Variants in DNAH6 observed in about 807,000 individuals in gnomAD.
DNAH6 encodes the protein dynein axonemal heavy chain 6.
In DNAH6, 340 loss-of-function variants were observed where a neutral mutation model predicts 491.4. The ratio of observed to expected loss-of-function variants is 0.69; its 90% CI spans 0.63 to 0.76. The LOEUF (loss-of-function observed/expected upper bound fraction) is 0.76, where lower values mean the gene tolerates loss of function less well. DNAH6 is among the 30% of genes least tolerant of loss of function. The pLI is 0.00. For synonymous variants in DNAH6, 1,603 were observed against 1,686.1 expected (o/e 0.95, Z 1.21); for missense variants, 4,443 against 4,972.2 (o/e 0.89, Z 3.20).
chr2:84,774,146 T>A (rs548868236), intron 64 of DNAH6, among the ~76,000 whole-genome samples: 1 of 152,130 alleles, frequency 6.6e-6, no homozygotes, highest in Non-Finnish European at 1.5e-5. Context: ...CCAAGGCTGA[T>A]GTCTAAAATG....
rs760055936 is a variant in DNAH6, at chr2:84,637,240, A to G, written c.4684A>G (p.Ile1562Val). Residue 1562 changes from isoleucine (I) to valine (V), a missense_variant, in exon 31 of 77, where the codon ATA becomes GTA. Coordinates refer to ENST00000389394, the MANE Select transcript of DNAH6 (RefSeq NM_001370.2). ...LSRFMFEGRE[I>V]KLVMTCAAFI... ...TAGATTCATGTTTGAGGGGCGGGAA[A>G]TAAAGTTGGTGATGACTTGTGCAGC... is the stretch of plus-strand genomic sequence containing the variant. The G allele has an allele frequency of 1.3e-6, 2 of 1,549,734 alleles. No homozygotes were observed. Among genetic ancestry groups the G allele is most frequent in the South Asian group, 1.2e-5 (1 of 83,554 alleles).
In DNAH6 at chr2:84,544,322, T is replaced by G. The variant is rs891673034; in HGVS notation, c.752T>G (p.Phe251Cys). The change falls in exon 5 of 77, where the codon TTT becomes TGT. Residue 251 changes from phenylalanine to cysteine, a missense_variant. By Grantham distance (205) the Phe-to-Cys change is radical (BLOSUM62 -2). Coordinates refer to ENST00000389394, the MANE Select transcript of DNAH6 (RefSeq NM_001370.2). ...VTHIYNEDIE[F>C]IEIDRWEQEY... is the part of the protein sequence containing the mutation. The stretch of plus-strand genomic sequence containing the variant: ...CACATTTATAATGAAGACATTGAAT[T>G]TATCGAAATTGATCGATGGGAACAG... The G allele has an allele frequency of 1.7e-5, 26 of 1,539,138 alleles. No homozygotes were observed. In the African/African-American group the frequency reaches 3.4e-4, roughly 20 times the overall value.
chr2:84,672,939 T>G (rs1692875330), intron 40 of DNAH6, among the ~76,000 whole-genome samples: 1 of 152,200 alleles, frequency 6.6e-6, no homozygotes, highest in Non-Finnish European at 1.5e-5. Flanking sequence ...TTCAGTGTAT[T>G]CAGTCTATAT....
chr2:84,472,782 T>G, the DNAH6 span, among the ~76,000 whole-genome samples: 1 of 152,226 alleles, frequency 6.6e-6, no homozygotes, highest in Non-Finnish European at 1.5e-5. Context: ...CCAAGGAGGT[T>G]AGTATGTGCT....
At chr2:84,734,568 T>G (rs1270243385) in intron 62 of DNAH6, among the ~76,000 whole-genome samples, 4 of 152,230 alleles carry the variant, frequency 2.6e-5, no homozygotes, top group Non-Finnish European at 5.9e-5. Context: ...GTGCATGTTT[T>G]GTTTATATAA....
chr2:84,518,115 A>G (rs756947676), intron 2 of DNAH6, 64 bp downstream of exon 2: 167 of 1,265,424 alleles, frequency 1.3e-4, no homozygotes, highest in Middle Eastern at 9.5e-4. Flanking sequence ...ATTGCTTTGG[A>G]GGATAGAAGT....
chr2:84,656,062 CT>C (rs929191641), intron 35 of DNAH6, among the ~76,000 whole-genome samples: 2 of 152,078 alleles, frequency 1.3e-5, no homozygotes, highest in African/African-American at 4.8e-5. Flanking sequence ...AGTACATAGC[CT>C]TTTCAGACTG....
intron 2 of DNAH6, among the ~76,000 whole-genome samples, chr2:84,521,883 G>C (rs1253816169): frequency 6.6e-6 from 1 of 152,156 alleles, no homozygotes; most frequent in Non-Finnish European, 1.5e-5. Flanking sequence ...TAGCCCTGTA[G>C]TATAGTTTGA....
intron 35 of DNAH6, among the ~76,000 whole-genome samples, chr2:84,657,508 G>C (rs1691091960): frequency 6.6e-6 from 1 of 151,938 alleles, no homozygotes; most frequent in African/African-American, 2.4e-5. Flanking sequence ...TCTTTCATCA[G>C]AGTATTATAG....
At position 84,703,407 on chromosome 2, in the gene DNAH6, G is replaced by C; in HGVS notation, c.8074G>C (p.Val2692Leu). The C allele has an allele frequency of 1.3e-6, 2 of 1,518,330 alleles. No homozygotes were observed. The highest frequency in any genetic ancestry group is 1.8e-6 in the Non-Finnish European group (2 of 1,129,440). The allele number at this position is 1,518,330 out of a possible 1,614,324, so 94.1% of individuals were successfully genotyped here. A position where few individuals can be genotyped will look rare whatever the true frequency, so the allele number is the denominator to read the frequency against. The change falls in exon 50 of 77, where the codon GTG (valine) becomes CTG (leucine). Residue 2692 changes from valine to leucine, a missense_variant. Physicochemically the swap from Val to Leu is conservative, Grantham distance 32 (BLOSUM62 1). Transcript: ENST00000389394. Reference sequence around the variant, plus strand: ...CATTGTCACTTAGGCACGAGATCGGGTGAAGAATGGTCTCACCAAGCTACT... The same window carrying C: ...CATTGTCACTTAGGCACGAGATCGGCTGAAGAATGGTCTCACCAAGCTACT... ...RKQIISARDR[V>L]KNGLTKLLET...
rs1027276599 is a variant in DNAH6 at position 84,707,682 on chromosome 2, A to G, written c.9014A>G (p.Tyr3005Cys). Residue 3005 changes from tyrosine to cysteine, a missense_variant, in exon 54 of 77, where the codon TAC becomes TGC. By Grantham distance (194) the Tyr-to-Cys change is radical. Transcript: ENST00000389394. ...NVFIAAACVA[Y>C]YGAFTAQYRQ... ...TTCATAGCAGCAGCTTGTGTGGCCTACTATGGGGCTTTCACAGCCCAGTAC... is the reference window on the plus strand; with the variant it reads ...TTCATAGCAGCAGCTTGTGTGGCCTGCTATGGGGCTTTCACAGCCCAGTAC... 2 of 1,552,324 alleles carry G rather than the reference A, an allele frequency of 1.3e-6. No homozygotes were observed. The highest frequency in any genetic ancestry group is 1.7e-6 in the Non-Finnish European group (2 of 1,147,106).
At chr2:84,506,984 T>C in the DNAH6 span, among the ~76,000 whole-genome samples, 1 of 152,246 alleles carries the variant, frequency 6.6e-6, no homozygotes, top group Non-Finnish European at 1.5e-5. Flanking sequence ...GTAGTGTAGT[T>C]TGAAGTCAGG....
chr2:84,467,592 TAGG>T, the DNAH6 span, among the ~76,000 whole-genome samples: 2 of 152,162 alleles, frequency 1.3e-5, no homozygotes, highest in African/African-American at 2.4e-5. Flanking sequence ...ATGAGGCATT[TAGG>T]AGGTCTAACA....
chr2:84,765,030 T>C (rs2105147045), intron 64 of DNAH6, among the ~76,000 whole-genome samples: 1 of 150,182 alleles, frequency 6.7e-6, no homozygotes, highest in African/African-American at 2.5e-5. Context: ...ATAATGTCTA[T>C]CAATATGACT....
intron 48 of DNAH6, among the ~76,000 whole-genome samples, chr2:84,700,418 T>C (rs372888829): frequency 1.4e-4 from 21 of 152,274 alleles, no homozygotes; most frequent in African/African-American, 5.1e-4. Context: ...TATTGTTTTT[T>C]AGTGATATGG....
intron 35 of DNAH6, among the ~76,000 whole-genome samples, chr2:84,657,398 A>G (rs1349706527): frequency 2.0e-5 from 3 of 152,056 alleles, no homozygotes; most frequent in African/African-American, 7.2e-5. Context: ...ATTGTGTTGA[A>G]TTTATAGATA....
At chr2:84,713,345 AG>A in intron 57 of DNAH6, 86 bp downstream of exon 57, 1 of 1,370,664 alleles carries the variant, frequency 7.3e-7, no homozygotes, top group Non-Finnish European at 9.9e-7. Flanking sequence ...TCCCACCCGG[AG>A]GGAAAGTGCT....
chr2:84,764,421 C>T (rs1470101043), intron 64 of DNAH6, among the ~76,000 whole-genome samples: 1 of 152,062 alleles, frequency 6.6e-6, no homozygotes, highest in Non-Finnish European at 1.5e-5. Context: ...CAAATTAAAA[C>T]CATGAAAAGA....
At chr2:84,511,521 C>T (rs1268913715), upstream of DNAH6, among the ~76,000 whole-genome samples, 4 of 152,068 alleles carry the variant, frequency 2.6e-5, no homozygotes, top group South Asian at 2.1e-4. Flanking sequence ...TTGTGCTTCC[C>T]GGGTGAGGCG....
Sources: gnomAD v4.1 joint callset for allele counts (sites outside exome capture counted in the v4.1 genomes callset) on GRCh38, gnomAD v4.1.1 for gene constraint, MANE v1.5 for transcripts, NCBI Gene and HGNC (gene_info 2026-07-23, HGNC 2026-07-21) for gene names.